The following AIG1 variants were observed in gnomAD, a reference collection of about 807,000 sequenced individuals.
AIG1 encodes androgen-induced gene 1 protein.
AIG1 carries 23 observed loss-of-function variants against 31.4 expected under a neutral mutation model. The ratio of observed to expected loss-of-function variants is 0.73; its 90% CI spans 0.53 to 1.04. The LOEUF is 1.04. Among genes scored for constraint, AIG1 ranks in the 50% least tolerant of loss-of-function variants. The probability of loss-of-function intolerance (pLI) is 0.00; values close to 1 mark genes in which losing one functional copy is unlikely to be tolerated. For synonymous variants in AIG1, 100 were observed against 110.5 expected (o/e 0.90, Z 0.60); for missense variants, 274 against 295.0 (o/e 0.93, Z 0.52).
chr6:143,078,713 C>T (rs1042299612), intron 1 of AIG1, among the ~76,000 whole-genome samples: 31 of 152,246 alleles, frequency 2.0e-4, no homozygotes, highest in Admixed American at 2.0e-3. Context: ...ATGGAGGAAA[C>T]CACCCCCATG....
intron 3 of AIG1, among the ~76,000 whole-genome samples, chr6:143,250,301 A>G (rs984514720): frequency 2.6e-5 from 4 of 152,314 alleles, no homozygotes; most frequent in African/African-American, 9.6e-5. Context: ...CATGATTTTT[A>G]CGTTTTAAAT....
intron 2 of AIG1, among the ~76,000 whole-genome samples, chr6:143,163,409 G>T (rs374194824): frequency 6.6e-6 from 1 of 152,168 alleles, no homozygotes; most frequent in South Asian, 2.1e-4. Context: ...TGATCTCATA[G>T]CATCCCTTAT....
At chr6:143,163,499 C>G (rs2128561877) in intron 2 of AIG1, among the ~76,000 whole-genome samples, 1 of 152,274 alleles carries the variant, frequency 6.6e-6, no homozygotes, top group Non-Finnish European at 1.5e-5. Context: ...CCTAAACCCT[C>G]TTTTTCCTAA....
chr6:143,186,667 C>G (rs780956527), intron 3 of AIG1: 2 of 152,222 alleles, frequency 1.3e-5, no homozygotes, highest in African/African-American at 2.4e-5. Context: ...TTTCCCACAA[C>G]AGTTTAACCT....
At chr6:143,304,470 T>C (rs1799094533) in intron 4 of AIG1, among the ~76,000 whole-genome samples, 1 of 152,174 alleles carries the variant, frequency 6.6e-6, no homozygotes, top group South Asian at 2.1e-4. Flanking sequence ...CTTTTCTGCA[T>C]CTATTGAGAT....
At chr6:143,242,741 A>G (rs1161157796) in intron 3 of AIG1, among the ~76,000 whole-genome samples, 1 of 152,250 alleles carries the variant, frequency 6.6e-6, no homozygotes, top group Non-Finnish European at 1.5e-5. Context: ...AGTTTTTTTA[A>G]GCTTGGAAAA....
At chr6:143,119,537 G>T (rs1322536231) in intron 1 of AIG1, among the ~76,000 whole-genome samples, 1 of 152,226 alleles carries the variant, frequency 6.6e-6, no homozygotes, top group African/African-American at 2.4e-5. Flanking sequence ...CTACACTCCA[G>T]TGGCAGCGTG....
At chr6:143,285,630 C>T (rs139452530) in intron 4 of AIG1, among the ~76,000 whole-genome samples, 220 of 152,092 alleles carry the variant, frequency 1.4e-3, no homozygotes, top group African/African-American at 5.2e-3. Flanking sequence ...CGCAACTGCA[C>T]TCCACCCTGT....
intron 3 of AIG1, among the ~76,000 whole-genome samples, chr6:143,182,202 T>C (rs1244765599): frequency 6.6e-6 from 1 of 152,138 alleles, no homozygotes; most frequent in Non-Finnish European, 1.5e-5. Flanking sequence ...ATTTTTAATG[T>C]TTAAAATTTT....
intron 1 of AIG1, among the ~76,000 whole-genome samples, chr6:143,118,776 C>T (rs1781968873): frequency 6.6e-6 from 1 of 151,682 alleles, no homozygotes; most frequent in South Asian, 2.1e-4. Context: ...AAGAATTTTA[C>T]AACAAAGAGG....
chr6:143,127,941 G>A (rs976740307), intron 1 of AIG1, among the ~76,000 whole-genome samples: 2 of 152,100 alleles, frequency 1.3e-5, no homozygotes, highest in Non-Finnish European at 2.9e-5. Context: ...ACCTGCCTTG[G>A]CCTCCAAAAA....
intron 1 of AIG1, among the ~76,000 whole-genome samples, chr6:143,106,778 A>G (rs1200025949): frequency 6.6e-6 from 1 of 152,178 alleles, no homozygotes; most frequent in Non-Finnish European, 1.5e-5. Flanking sequence ...GCTTATCAGC[A>G]ACAGATTTAT....
chr6:143,110,333 TC>T (rs1261261546), intron 1 of AIG1, among the ~76,000 whole-genome samples: 16 of 152,324 alleles, frequency 1.1e-4, no homozygotes, highest in African/African-American at 3.6e-4. Flanking sequence ...AATTTTAGAA[TC>T]AGCTTGCCAA....
rs998517656 is a variant in AIG1, at chr6:143,149,310, A to G, written c.297+12320A>G. On this transcript the variant is annotated intron_variant, in intron 2 of 5. Transcript: ENST00000357847. The stretch of plus-strand genomic sequence containing the variant: ...GGGAGGCTGAGGCAGGCGGATCACA[A>G]GGTCAGGAGATCGAGACCATCCTGG... 2.6e-5 allele frequency among the ~76,000 whole-genome samples: 4 copies of G among 151,922 alleles called. No homozygotes were observed. The East Asian group carries it at 7.7e-4, about 29-fold the overall frequency.
At chr6:143,269,771 A>G (rs1013433422) in intron 3 of AIG1, among the ~76,000 whole-genome samples, 1 of 152,198 alleles carries the variant, frequency 6.6e-6, no homozygotes, top group Non-Finnish European at 1.5e-5. Flanking sequence ...CATCGGCAAA[A>G]CTGATGTATG....
At chr6:143,308,473 C>G (rs184267350) in intron 4 of AIG1, among the ~76,000 whole-genome samples, 2 of 152,306 alleles carry the variant, frequency 1.3e-5, no homozygotes, top group East Asian at 3.9e-4. Flanking sequence ...TGGGCTTGCT[C>G]ATTGTCTCTA....
chr6:143,308,896 G>C (rs1306222685), intron 4 of AIG1, among the ~76,000 whole-genome samples: 6 of 152,030 alleles, frequency 3.9e-5, no homozygotes, highest in African/African-American at 9.7e-5. Context: ...AACAGTCTGA[G>C]TGTAACATCC....
At chr6:143,289,053 G>A (rs1797881059) in intron 4 of AIG1, among the ~76,000 whole-genome samples, 1 of 152,114 alleles carries the variant, frequency 6.6e-6, no homozygotes, top group Admixed American at 6.5e-5. Flanking sequence ...CTCATACGTG[G>A]CAGCCTTCAG....
chr6:143,069,815 C>A (rs1355459899), intron 1 of AIG1, among the ~76,000 whole-genome samples: 1 of 152,088 alleles, frequency 6.6e-6, no homozygotes, highest in Non-Finnish European at 1.5e-5. Context: ...ACAAAATTTA[C>A]CATTTTTCTT....
Sources: gnomAD v4.1 joint callset for allele counts (sites outside exome capture counted in the v4.1 genomes callset) on GRCh38, gnomAD v4.1.1 for gene constraint, MANE v1.5 for transcripts, NCBI Gene and HGNC (gene_info 2026-07-23, HGNC 2026-07-21) for gene names.